P3H4: variants seen among roughly 807,000 people sequenced by gnomAD.
The protein encoded by P3H4 is prolyl 3-hydroxylase family member 4 (inactive), also known as endoplasmic reticulum protein SC65.
In P3H4, 47 loss-of-function variants were observed where a neutral mutation model predicts 52.9. The observed-to-expected ratio is 0.89, with a 90% CI of 0.70 to 1.13. The LOEUF (loss-of-function observed/expected upper bound fraction) is 1.13. Among genes scored for constraint, P3H4 ranks in the 50% most tolerant of loss-of-function variants. P3H4 has a pLI of 0.00. For missense variants in P3H4, 585 were observed against 611.0 expected, an observed-to-expected ratio of 0.96 and a Z score of 0.45; for synonymous variants, 256 against 267.9, an observed-to-expected ratio of 0.96 and a Z score of 0.44.
chr17:41,811,392 G>C lies in P3H4; in HGVS notation c.462+62C>G, dbSNP rs1423899989. On this transcript the variant is annotated intron_variant, in intron 1 of 7. Transcript: ENST00000393928. This position sits in a 1 kb window ranked among gnomAD's most constrained non-coding sequence, Gnocchi z 4.8. ...GGGTGAAGATAACGCTCCTTCGACC[G>C]ATCTGTGGGGAGCCACGACGCCCAG... 8 of 1,605,802 alleles carry C rather than the reference G, an allele frequency of 5.0e-6. No individual in the cohort carries two copies. The Admixed American group carries it at 8.4e-5, about 17-fold the overall frequency.
rs1209668053 is a variant in P3H4, at chr17:41,807,733, C to T, written c.1062+126G>A. ...CAGGATGGTCCTGATCTCCTGACCT[C>T]GTGATCCACCCGCCTCAGCCTCCCA... On this transcript the variant is annotated intron_variant, in intron 5 of 7. Coordinates refer to ENST00000393928, the MANE Select transcript of P3H4 (RefSeq NM_006455.3). 25 of 1,208,332 alleles carry T rather than the reference C, an allele frequency of 2.1e-5. No individual in the cohort carries two copies. In the South Asian group the frequency reaches 2.9e-4, roughly 14 times the overall value. 74.9% of individuals were successfully genotyped at this position (1,208,332 alleles called of 1,614,324 possible).
In P3H4 at chr17:41,811,805, G is replaced by C. The variant is rs1555615269; in HGVS notation, c.111C>G (p.Ala37=). ...GCTCCAGAGCGTGCCCGTACGCCGC[G>C]GCCAGCGGCATCAGGTCCTCGGGCG... ...GFPPEDLMPL[A]AAYGHALEQY... Residue 37 remains alanine, a synonymous_variant, in exon 1 of 8, where the codon GCC becomes GCG. Coordinates refer to ENST00000393928, the MANE Select transcript of P3H4 (RefSeq NM_006455.3). This position sits in a 1 kb window ranked among gnomAD's most constrained non-coding sequence, Gnocchi z 4.8. 1 of 1,536,244 alleles carries C rather than the reference G, an allele frequency of 6.5e-7. No homozygotes were observed. The highest frequency in any genetic ancestry group is 1.9e-5 in the Admixed American group (1 of 51,426).
chr17:41,806,394 G>A (rs1212474850), intron 6 of P3H4, among the ~76,000 whole-genome samples: 1 of 152,138 alleles, frequency 6.6e-6, no homozygotes, highest in African/African-American at 2.4e-5. Context: ...CCTGCAGTGC[G>A]GTTCTCCTGG....
intron 7 of P3H4, 146 bp from the exon 8 acceptor site, chr17:41,803,125 C>T (rs1794414400): frequency 7.1e-7 from 1 of 1,410,748 alleles, no homozygotes; most frequent in African/African-American, 1.4e-5. Flanking sequence ...TGCACCACCA[C>T]CCCCAAGCGG....
chr17:41,806,092 G>A (rs1045182067), intron 6 of P3H4, among the ~76,000 whole-genome samples: 9 of 151,880 alleles, frequency 5.9e-5, no homozygotes, highest in African/African-American at 1.9e-4. Flanking sequence ...GGTGGTGCAC[G>A]CCTGTAATCC....
At chr17:41,804,173 A>C (rs968584960) in intron 6 of P3H4, among the ~76,000 whole-genome samples, 1 of 151,460 alleles carries the variant, frequency 6.6e-6, no homozygotes, top group Non-Finnish European at 1.5e-5. Context: ...GGATGGTCTC[A>C]ATCTTCTGAC....
chr17:41,810,965 G>A lies in P3H4; in HGVS notation c.685C>T (p.Arg229Trp), dbSNP rs781872983. ...ACTGCCAGGTACTCTGACAAGGCCCGCTCCATGTCCTCCGTGCTGCTGCGG... is the reference window on the plus strand; with the variant it reads ...ACTGCCAGGTACTCTGACAAGGCCCACTCCATGTCCTCCGTGCTGCTGCGG... Reference protein sequence around the residue: ...DFRSSTEDMERALSEYLAVFA... With the variant: ...DFRSSTEDMEWALSEYLAVFA... The change falls in exon 3 of 8, where the codon CGG becomes TGG. Residue 229 changes from arginine to tryptophan, a missense_variant. Transcript: ENST00000393928. 149 of 1,614,042 alleles carry A rather than the reference G, an allele frequency of 9.2e-5. No homozygotes were observed. Among genetic ancestry groups the A allele is most frequent in the Non-Finnish European group, 1.2e-4 (144 of 1,180,016 alleles).
At chr17:41,803,610 C>A (rs2047641784) in intron 6 of P3H4, among the ~76,000 whole-genome samples, 179 bp from the exon 7 acceptor site, 1 of 141,388 alleles carries the variant, frequency 7.1e-6, no homozygotes, top group African/African-American at 2.6e-5. Context: ...CTGCCCCTCC[C>A]TGAGTGGCTG....
rs1325047806 is a variant in P3H4, at chr17:41,803,099, G to A, written c.1292-120C>T. ...CCCGGACAGGTCTCAGCTGGTCCCAGCTCCAGGGGAGATGCTGCACCACCA... is the reference window on the plus strand; with the variant it reads ...CCCGGACAGGTCTCAGCTGGTCCCAACTCCAGGGGAGATGCTGCACCACCA... On this transcript the variant is annotated intron_variant, in intron 7 of 7. Transcript: ENST00000393928. 4 of 1,433,216 alleles carry A rather than the reference G, an allele frequency of 2.8e-6. No homozygotes were observed. In the East Asian group the frequency reaches 6.9e-5, roughly 25 times the overall value. 88.8% of individuals were successfully genotyped at this position (1,433,216 alleles called of 1,614,324 possible). A position where few individuals can be genotyped will look rare whatever the true frequency, so the allele number is the denominator to read the frequency against.
chr17:41,810,865 G>C lies in P3H4; in HGVS notation c.785C>G (p.Ala262Gly), dbSNP rs782566597. The stretch of plus-strand genomic sequence containing the variant: ...ACCGTGGTCTGGGTGGCAGATACCT[G>C]CTATGGCCGGGTAGAAGTCCTTGAA... ...VDFKDFYPAI[A>G]DLFAESLQCK... The change falls in exon 3 of 8, where the codon GCA becomes GGA. Residue 262 changes from alanine (A) to glycine (G), a missense_variant and splice_region_variant. Coordinates refer to ENST00000393928, the MANE Select transcript of P3H4 (RefSeq NM_006455.3). 1 of 1,612,492 alleles carries C rather than the reference G, an allele frequency of 6.2e-7. No homozygotes were observed.
Position 41,811,566 on chromosome 17 carries a change from C to T in P3H4, c.350G>A (p.Arg117Gln), listed in dbSNP as rs544321847. 4.4e-6 allele frequency: 7 copies of T among 1,605,122 alleles called. No homozygotes were observed. The African/African-American group carries it at 5.3e-5, about 12-fold the overall frequency. ...GGCGGGCAGCGTCCGCTTGCAGCGC[C>T]GCAGGCAGGCGGCTCGCTCCAGGAC... ...GRVLERAACL[R>Q]RCKRTLPAFQ... Residue 117 changes from arginine to glutamine, a missense_variant, in exon 1 of 8, where the codon CGG becomes CAG. Physicochemically the swap from Arg to Gln is conservative, Grantham distance 43. Transcript: ENST00000393928. This position sits in a 1 kb window ranked among gnomAD's most constrained non-coding sequence, Gnocchi z 4.8.
chr17:41,803,062 G>A, intron 7 of P3H4, 83 bp from the exon 8 acceptor site: 1 of 1,520,980 alleles, frequency 6.6e-7, no homozygotes, highest in Non-Finnish European at 9.0e-7. Context: ...ATGGGAGGTG[G>A]GGTGAGGCTC....
Position 41,811,759 on chromosome 17 carries a change from G to T in P3H4, c.157C>A (p.Arg53Ser). Residue 53 changes from arginine (R) to serine (S), a missense_variant, in exon 1 of 8, where the codon CGC becomes AGC. Physicochemically the swap from Arg to Ser is moderately radical, Grantham distance 110 (BLOSUM62 -1). Coordinates refer to ENST00000393928, the MANE Select transcript of P3H4 (RefSeq NM_006455.3). The surrounding 1 kb of genome is among the most constrained non-coding windows in gnomAD (Gnocchi z 4.8). ...ALEQYEGESW[R>S]ESARYLEAAL... Reference sequence around the variant, plus strand: ...GCCTCCAGGTAGCGCGCGCTCTCGCGCCAGCTCTCTCCCTCGTACTGCTCC... The same window carrying T: ...GCCTCCAGGTAGCGCGCGCTCTCGCTCCAGCTCTCTCCCTCGTACTGCTCC... 4.6e-6 allele frequency: 7 copies of T among 1,523,956 alleles called. No homozygotes were observed. The highest frequency in any genetic ancestry group is 6.1e-6 in the Non-Finnish European group (7 of 1,147,958). 94.4% of individuals were successfully genotyped at this position (1,523,956 alleles called of 1,614,324 possible). A position where few individuals can be genotyped will look rare whatever the true frequency, so the allele number is the denominator to read the frequency against.
At position 41,811,213 on chromosome 17, in the gene P3H4, G is replaced by A; in HGVS notation, c.534C>T (p.Thr178=). The change falls in exon 2 of 8, where the codon ACC becomes ACT. Residue 178 remains threonine, a synonymous_variant. Coordinates refer to ENST00000393928, the MANE Select transcript of P3H4 (RefSeq NM_006455.3). The surrounding 1 kb of genome is among the most constrained non-coding windows in gnomAD (Gnocchi z 4.8). ...FLQRNPKHEL[T]AKYLNYYQGM... ...CCTGATAGTAGTTGAGATACTTGGC[G>A]GTCAGCTCGTGCTTCGGGTTCCTCT... is the stretch of plus-strand genomic sequence containing the variant. 6.2e-7 allele frequency: 1 copy of A among 1,614,118 alleles called. No homozygotes were observed. Among genetic ancestry groups the A allele is most frequent in the Non-Finnish European group, 8.5e-7 (1 of 1,180,034 alleles).
At position 41,811,518 on chromosome 17, in the gene P3H4, C is replaced by A. The variant is rs200433757; in HGVS notation, c.398G>T (p.Arg133Leu). Reference sequence around the variant, plus strand: ...GCTCTGGAAGTCACGCAGCAGCTGCCGCGGCGGGTAGGGCACCTGGAAGGC... The same window carrying A: ...GCTCTGGAAGTCACGCAGCAGCTGCAGCGGCGGGTAGGGCACCTGGAAGGC... ...LPAFQVPYPPRQLLRDFQSRL... is the reference protein window; with the variant it reads ...LPAFQVPYPPLQLLRDFQSRL... The change falls in exon 1 of 8, where the codon CGG becomes CTG. Residue 133 changes from arginine to leucine, a missense_variant. By Grantham distance (102) the Arg-to-Leu change is moderately radical (BLOSUM62 -2). Coordinates refer to ENST00000393928, the MANE Select transcript of P3H4 (RefSeq NM_006455.3). The surrounding 1 kb of genome is among the most constrained non-coding windows in gnomAD (Gnocchi z 4.8). 5 of 1,611,612 alleles carry A rather than the reference C, an allele frequency of 3.1e-6. No homozygotes were observed. Among genetic ancestry groups the A allele is most frequent in the Non-Finnish European group, 4.2e-6 (5 of 1,179,612 alleles).
intron 6 of P3H4, 38 bp from the exon 7 acceptor site, chr17:41,803,469 C>T (rs782363307): frequency 3.1e-6 from 5 of 1,605,170 alleles, no homozygotes; most frequent in Non-Finnish European, 3.4e-6. Context: ...AACCGGGTCA[C>T]AGTACGCCCA....
At chr17:41,806,170 G>T (rs2047672091) in intron 6 of P3H4, among the ~76,000 whole-genome samples, 2 of 151,732 alleles carry the variant, frequency 1.3e-5, no homozygotes, top group African/African-American at 4.8e-5. Flanking sequence ...AGTGAGCTGA[G>T]ATGACACCAC....
Position 41,811,664 on chromosome 17 carries a change from C to G in P3H4, c.252G>C (p.Ala84=), listed in dbSNP as rs1320946993. The part of the protein sequence containing the change: ...AFCHANCSGP[A]PAAKPDPDGG... ...CGTCGGGATCGGGCTTGGCCGCGGG[C>G]GCGGGGCCGCTGCAGTTGGCGTGGC... The change falls in exon 1 of 8, where the codon GCG becomes GCC. Residue 84 remains alanine, a synonymous_variant. Transcript: ENST00000393928. This position sits in a 1 kb window ranked among gnomAD's most constrained non-coding sequence, Gnocchi z 4.8. 1 of 1,427,580 alleles carries G rather than the reference C, an allele frequency of 7.0e-7. No individual in the cohort carries two copies. The highest frequency in any genetic ancestry group is 9.1e-7 in the Non-Finnish European group (1 of 1,102,358). The allele number at this position is 1,427,580 out of a possible 1,614,324, so 88.4% of individuals were successfully genotyped here. A position where few individuals can be genotyped will look rare whatever the true frequency, so the allele number is the denominator to read the frequency against.
At chr17:41,808,125 T>G in intron 4 of P3H4, 121 bp from the exon 5 acceptor site, 2 of 1,265,452 alleles carry the variant, frequency 1.6e-6, no homozygotes, top group Non-Finnish European at 2.2e-6. Flanking sequence ...AATGGGCTCC[T>G]TATCCCACCC....
Sources: gnomAD v4.1 joint callset for allele counts (sites outside exome capture counted in the v4.1 genomes callset) on GRCh38, gnomAD v4.1.1 for gene constraint, Gnocchi (gnomAD v3.1) non-coding constraint, MANE v1.5 for transcripts, NCBI Gene and HGNC (gene_info 2026-07-23, HGNC 2026-07-21) for gene names.